The following DENND5B variants were observed in gnomAD, a reference collection of about 807,000 sequenced individuals.
The protein encoded by DENND5B is DENN domain containing 5B.
Under a neutral mutation model 140.6 loss-of-function variants are expected in DENND5B, and 34 were observed. The ratio of observed to expected loss-of-function variants is 0.24; its 90% CI spans 0.18 to 0.32. The LOEUF is 0.32. Ranked by LOEUF, DENND5B falls within the 10% of genes least tolerant of loss-of-function variation. The pLI is 1.00. For synonymous variants in DENND5B, 551 were observed against 562.1 expected (o/e 0.98, Z 0.28); for missense variants, 1,142 against 1,560.2 (o/e 0.73, Z 4.52).
intron 16 of DENND5B, 116 bp from the exon 17 acceptor site, chr12:31,398,478 T>G (rs1216051180): frequency 9.7e-7 from 1 of 1,029,692 alleles, no homozygotes; most frequent in Non-Finnish European, 1.4e-6. Context: ...CTAATTTTTG[T>G]GTTTTTTATA....
chr12:31,432,046 G>A, intron 8 of DENND5B: 9 of 984,832 alleles, frequency 9.1e-6, no homozygotes, highest in Non-Finnish European at 1.1e-5. Flanking sequence ...AACATACCAG[G>A]CAGCACTCAG....
intron 1 of DENND5B, among the ~76,000 whole-genome samples, chr12:31,585,653 T>C (rs1950371104): frequency 6.6e-6 from 1 of 152,242 alleles, no homozygotes; most frequent in Non-Finnish European, 1.5e-5. Context: ...TCAGTCTCTT[T>C]ACCATAAATA....
At chr12:31,553,105 C>G (rs1221630411) in intron 1 of DENND5B, among the ~76,000 whole-genome samples, 1 of 152,128 alleles carries the variant, frequency 6.6e-6, no homozygotes, top group South Asian at 2.1e-4. Context: ...CTTCTGCTAG[C>G]TTTTGAATGT....
chr12:31,564,561 C>CCATTAT (rs1949568311), intron 1 of DENND5B, among the ~76,000 whole-genome samples: 1 of 136,062 alleles, frequency 7.3e-6, no homozygotes, highest in Non-Finnish European at 1.6e-5. Context: ...TCTTTTCATT[C>CCATTAT]TATTATTATT....
chr12:31,436,634 A>C (rs1056670708), intron 7 of DENND5B, among the ~76,000 whole-genome samples: 15 of 151,944 alleles, frequency 9.9e-5, no homozygotes, highest in African/African-American at 3.4e-4. Context: ...TCCCAGGTTC[A>C]AGCAATTCTC....
intron 1 of DENND5B, among the ~76,000 whole-genome samples, chr12:31,509,948 A>G (rs1374725310): frequency 1.3e-5 from 2 of 152,188 alleles, no homozygotes; most frequent in Non-Finnish European, 2.9e-5. Context: ...AACTAAGTCC[A>G]GATTCCTTAG....
chr12:31,544,926 T>C (rs145139612), intron 1 of DENND5B, among the ~76,000 whole-genome samples: 89 of 150,856 alleles, frequency 5.9e-4, no homozygotes, highest in South Asian at 4.0e-3. Context: ...CACCAAGAAA[T>C]AGACAATAAA....
intron 1 of DENND5B, among the ~76,000 whole-genome samples, chr12:31,553,072 C>T (rs1949133863): frequency 1.3e-5 from 2 of 152,066 alleles, no homozygotes; most frequent in African/African-American, 2.4e-5. Context: ...TCCAGTTCTG[C>T]TCTGATCTTA....
At chr12:31,394,726 G>A (rs1023201454) in intron 17 of DENND5B, among the ~76,000 whole-genome samples, 2 of 151,348 alleles carry the variant, frequency 1.3e-5, no homozygotes, top group Non-Finnish European at 2.9e-5. Flanking sequence ...CCATTCTCCT[G>A]CCTCAGCCTC....
intron 1 of DENND5B, chr12:31,590,084 C>T (rs762002110): frequency 6.6e-6 from 1 of 152,548 alleles, no homozygotes; most frequent in South Asian, 2.1e-4. Flanking sequence ...TCCCTGCCAG[C>T]TCCCAGACGC....
At chr12:31,540,219 G>A (rs976092297) in intron 1 of DENND5B, among the ~76,000 whole-genome samples, 2 of 152,058 alleles carry the variant, frequency 1.3e-5, no homozygotes, top group Non-Finnish European at 2.9e-5. Flanking sequence ...AATTGAAAAG[G>A]ACACAAAAAA....
chr12:31,402,799 A>G (rs1941875482), intron 14 of DENND5B, among the ~76,000 whole-genome samples, 156 bp from the exon 15 acceptor site: 1 of 152,212 alleles, frequency 6.6e-6, no homozygotes, highest in South Asian at 2.1e-4. Flanking sequence ...ATAACCTTTC[A>G]GTCTAGAAAG....
chr12:31,517,606 C>T (rs979566395), intron 1 of DENND5B, among the ~76,000 whole-genome samples: 3 of 152,168 alleles, frequency 2.0e-5, no homozygotes, highest in South Asian at 2.1e-4. Flanking sequence ...TGTATTTGGA[C>T]GTTAGTCTGT....
In DENND5B at chr12:31,480,077, T is replaced by C; in HGVS notation, c.416A>G (p.His139Arg). ...CACACTGCTGTAATGCTCAGCGTTG[T>C]GCATCTGGTAAAGTGTCTGCATTGC... is the stretch of plus-strand genomic sequence containing the variant. ...CTAMQTLYQM[H>R]NAEHYSSVYA... Residue 139 changes from histidine (H) to arginine (R), a missense_variant, in exon 3 of 21, where the codon CAC becomes CGC. Around this residue, in one of 5 missense-constraint regions of DENND5B, gnomAD observed 708 missense variants for 905.5 expected, o/e 0.78. Coordinates refer to ENST00000389082, the MANE Select transcript of DENND5B (RefSeq NM_144973.4). The C allele has an allele frequency of 6.2e-7, 1 of 1,614,028 alleles. No individual in the cohort carries two copies.
intron 1 of DENND5B, among the ~76,000 whole-genome samples, chr12:31,528,467 T>C (rs1948164002): frequency 6.6e-6 from 1 of 152,192 alleles, no homozygotes; most frequent in East Asian, 1.9e-4. Flanking sequence ...ACATTCAGGT[T>C]CCAGGTATTA....
intron 6 of DENND5B, among the ~76,000 whole-genome samples, chr12:31,446,669 G>T (rs1944286791): frequency 6.6e-6 from 1 of 151,812 alleles, no homozygotes; most frequent in African/African-American, 2.4e-5. Flanking sequence ...GGCCGAGGTG[G>T]GCGATCACGA....
At chr12:31,441,243 C>T (rs549725011) in intron 7 of DENND5B, among the ~76,000 whole-genome samples, 3 of 152,084 alleles carry the variant, frequency 2.0e-5, no homozygotes, top group African/African-American at 7.2e-5. Context: ...ACTTGGGAGG[C>T]TGAGGCAGGA....
chr12:31,535,315 A>T (rs113051291), intron 1 of DENND5B: 3,300 of 170,082 alleles, frequency 0.019, 115 homozygotes, highest in African/African-American at 0.076. Context: ...TTCCAGTCTG[A>T]CCCAGCACAG....
At chr12:31,418,991 G>A (rs1432675464) in intron 11 of DENND5B, among the ~76,000 whole-genome samples, 1 of 152,068 alleles carries the variant, frequency 6.6e-6, no homozygotes, top group Non-Finnish European at 1.5e-5. Flanking sequence ...GGCAGCCCTA[G>A]GAAATGAATG....
Sources: allele counts gnomAD v4.1 joint callset (sites outside exome capture counted in the v4.1 genomes callset), GRCh38; gene constraint gnomAD v4.1.1; regional missense constraint gnomAD v4.1.1; transcripts MANE v1.5; gene names NCBI Gene and HGNC (gene_info 2026-07-23, HGNC 2026-07-21).